The following SLC25A17 variants were observed in gnomAD, a reference collection of about 807,000 sequenced individuals.
The protein encoded by SLC25A17 is solute carrier family 25 member 17.
SLC25A17 carries 26 observed loss-of-function variants against 38.5 expected under a neutral mutation model. That is an observed-to-expected ratio of 0.68 (90% confidence interval 0.50 to 0.94). The LOEUF is 0.94. Ranked by LOEUF, SLC25A17 falls within the 40% of genes least tolerant of loss-of-function variation. The pLI, the probability that SLC25A17 is intolerant of heterozygous loss-of-function variation, is 0.00. For synonymous variants in SLC25A17, 139 were observed against 136.2 expected (o/e 1.02, Z -0.14); for missense variants, 333 against 372.7 (o/e 0.89, Z 0.88).
intron 1 of SLC25A17, among the ~76,000 whole-genome samples, chr22:40,816,969 T>C (rs537030796): frequency 3.4e-4 from 52 of 152,332 alleles, no homozygotes; most frequent in African/African-American, 1.2e-3. Context: ...AAAAAGACCT[T>C]CTCTACTGTA....
At chr22:40,818,399 A>G (rs996338601) in intron 1 of SLC25A17, among the ~76,000 whole-genome samples, 2 of 152,194 alleles carry the variant, frequency 1.3e-5, no homozygotes, top group Non-Finnish European at 2.9e-5. Context: ...TGTGGTAGAC[A>G]GGAACCCAGA....
chr22:40,792,755 CCAT>C (rs1401835597), intron 3 of SLC25A17, 79 bp from the exon 4 acceptor site: 1 of 1,458,530 alleles, frequency 6.9e-7, no homozygotes, highest in African/African-American at 1.4e-5. Context: ...GAAAGGCTGA[CCAT>C]CATTCACATG....
rs1307132569 is a variant in SLC25A17 at position 40,809,470 on chromosome 22, T to A, written c.54+9725A>T. On this transcript the variant is annotated intron_variant, in intron 1 of 8. Transcript: ENST00000435456. Reference sequence around the variant, plus strand: ...AGAAACCCAGTCTCTACAAAAAAATTAAAAAAAAAAAAATTAGCCAGCGTG... The same window carrying A: ...AGAAACCCAGTCTCTACAAAAAAATAAAAAAAAAAAAAATTAGCCAGCGTG... Among the ~76,000 whole-genome samples, 110 of 148,296 alleles carry A rather than the reference T, an allele frequency of 7.4e-4. 1 individual carries two copies. The highest frequency in any genetic ancestry group is 6.9e-3 in the Admixed American group (103 of 14,936).
chr22:40,811,230 T>G (rs989824201), intron 1 of SLC25A17, among the ~76,000 whole-genome samples: 1 of 150,266 alleles, frequency 6.7e-6, no homozygotes, highest in African/African-American at 2.5e-5. Context: ...CCCATGATTA[T>G]CATGTATTAA....
At chr22:40,814,823 G>T (rs7290331) in intron 1 of SLC25A17, among the ~76,000 whole-genome samples, 97,392 of 144,732 alleles carry the variant, frequency 0.67, 32,625 homozygotes, top group Admixed American at 0.76. Flanking sequence ...TTTTGTTTTG[G>T]TTTTTTTTGT....
chr22:40,792,451 C>A, intron 4 of SLC25A17, 74 bp downstream of exon 4: 1 of 1,260,842 alleles, frequency 7.9e-7, no homozygotes, highest in Non-Finnish European at 1.1e-6. Flanking sequence ...TTACTTTGGG[C>A]TAAATAACCT....
At chr22:40,816,508 G>C (rs984927189) in intron 1 of SLC25A17, among the ~76,000 whole-genome samples, 1 of 151,820 alleles carries the variant, frequency 6.6e-6, no homozygotes, top group Admixed American at 6.6e-5. Context: ...TTTCCCATCT[G>C]CTCTCTTTAA....
At chr22:40,819,143 C>T (rs549595530) in intron 1 of SLC25A17, 52 bp downstream of exon 1, 2 of 1,599,206 alleles carry the variant, frequency 1.3e-6, no homozygotes, top group African/African-American at 2.7e-5. Context: ...GGGACTGGCC[C>T]CCGAGAAGCC....
Position 40,819,299 on chromosome 22 carries a change from C to T in SLC25A17, c.-51G>A. The T allele has an allele frequency of 6.3e-7, 1 of 1,599,714 alleles. No homozygotes were observed. The highest frequency in any genetic ancestry group is 8.5e-7 in the Non-Finnish European group (1 of 1,170,092). ...CACACTTTTCCCACAGATGCCGCAGCCAGTGGAGTTAGGAAAGGAGCACCG... is the reference window on the plus strand; with the variant it reads ...CACACTTTTCCCACAGATGCCGCAGTCAGTGGAGTTAGGAAAGGAGCACCG... On this transcript the variant is annotated 5_prime_UTR_variant, in exon 1 of 9. Transcript: ENST00000435456.
chr22:40,779,171 CT>C (rs1363123174), intron 4 of SLC25A17, 46 bp from the exon 5 acceptor site: 1 of 1,613,660 alleles, frequency 6.2e-7, no homozygotes, highest in Non-Finnish European at 8.5e-7. Context: ...AAAATGTCAG[CT>C]TTTAAGCTTT....
intron 7 of SLC25A17, among the ~76,000 whole-genome samples, chr22:40,774,934 C>G (rs1373148435): frequency 1.3e-5 from 2 of 152,100 alleles, no homozygotes; most frequent in Non-Finnish European, 2.9e-5. Context: ...CTGTCCTCAT[C>G]CTACCCCTCT....
rs531957428 is a variant in SLC25A17 at position 40,779,383 on chromosome 22, A to G, written c.335-258T>C. The G allele has an allele frequency of 1.4e-5, 12 of 854,102 alleles. 1 individual carries two copies. The South Asian group carries it at 2.4e-4, about 17-fold the overall frequency. The allele number at this position is 854,102 out of a possible 1,614,324, so 52.9% of individuals were successfully genotyped here. On this transcript the variant is annotated intron_variant, in intron 4 of 8. Coordinates refer to ENST00000435456, the MANE Select transcript of SLC25A17 (RefSeq NM_006358.4). ...GAGCAATAAGTTCCCTCATTTGTAC[A>G]ACAGGCAATCTATTTGTCAATTTAT...
chr22:40,780,945 G>C (rs2057287985), intron 4 of SLC25A17, among the ~76,000 whole-genome samples: 1 of 152,018 alleles, frequency 6.6e-6, no homozygotes, highest in South Asian at 2.1e-4. Context: ...TGATATGGGA[G>C]GATCACTTGA....
Position 40,778,930 on chromosome 22 carries a change from T to A in SLC25A17, c.451+79A>T, listed in dbSNP as rs1316560037. The A allele has an allele frequency of 2.4e-6, 3 of 1,239,758 alleles. No individual in the cohort carries two copies. In the African/African-American group the frequency reaches 4.5e-5, roughly 18 times the overall value. 76.8% of individuals were successfully genotyped at this position (1,239,758 alleles called of 1,614,324 possible). A position where few individuals can be genotyped will look rare whatever the true frequency, so the allele number is the denominator to read the frequency against. ...AAAAGTGGGCAAAGGATATGTTATG[T>A]AGCTTTATGTGGCAACATATTCCAG... On this transcript the variant is annotated intron_variant, in intron 5 of 8. Transcript: ENST00000435456.
At chr22:40,816,949 G>C (rs1012072403) in intron 1 of SLC25A17, among the ~76,000 whole-genome samples, 1 of 152,116 alleles carries the variant, frequency 6.6e-6, no homozygotes. Context: ...GCAATGCATA[G>C]TTCATGAAGA....
intron 4 of SLC25A17, among the ~76,000 whole-genome samples, chr22:40,781,960 G>A (rs539841545): frequency 1.3e-5 from 2 of 152,230 alleles, no homozygotes; most frequent in Non-Finnish European, 2.9e-5. Flanking sequence ...GGTTGCTCAC[G>A]CCTGGAATCC....
chr22:40,805,212 G>C (rs1203886046), intron 1 of SLC25A17, among the ~76,000 whole-genome samples: 3 of 152,226 alleles, frequency 2.0e-5, no homozygotes, highest in Non-Finnish European at 2.9e-5. Context: ...GCACACGCCT[G>C]TAATCCCAGC....
In SLC25A17 at chr22:40,777,240, C is replaced by T; in HGVS notation, c.585G>A (p.Lys195=). The T allele has an allele frequency of 1.9e-6, 3 of 1,614,024 alleles. No homozygotes were observed. In the South Asian group the frequency reaches 3.3e-5, roughly 18 times the overall value. The change falls in exon 6 of 9, where the codon AAG becomes AAA. Residue 195 remains lysine (K), a synonymous_variant. Coordinates refer to ENST00000435456, the MANE Select transcript of SLC25A17 (RefSeq NM_006358.4). ...AATCAAGGATTACCTTCATCCGTTT[C>T]TTTAAAAGCTGCCGTTTTAAACCTT... ...FYEGLKRQLL[K]KRMKLSSLDV...
intron 1 of SLC25A17, among the ~76,000 whole-genome samples, chr22:40,810,122 T>G (rs886227932): frequency 6.6e-6 from 1 of 152,136 alleles, no homozygotes; most frequent in Admixed American, 6.5e-5. Context: ...GGAATGTCTT[T>G]TGTTATAATA....
Sources: gnomAD v4.1 joint callset for allele counts (sites outside exome capture counted in the v4.1 genomes callset) on GRCh38, gnomAD v4.1.1 for gene constraint, MANE v1.5 for transcripts, NCBI Gene and HGNC (gene_info 2026-07-23, HGNC 2026-07-21) for gene names.